FHIP1A: variants seen among roughly 807,000 people sequenced by gnomAD.
FHIP1A encodes the protein FHF complex subunit HOOK-interacting protein 1A.
FHIP1A carries 61 observed loss-of-function variants against 88.6 expected under a neutral mutation model. That is an observed-to-expected ratio of 0.69 (90% CI 0.56 to 0.85). The LOEUF (loss-of-function observed/expected upper bound fraction) is 0.85. Ranked by LOEUF, FHIP1A falls within the 40% of genes least tolerant of loss-of-function variation. The pLI, the probability that FHIP1A is intolerant of heterozygous loss-of-function variation, is 0.00. For missense variants in FHIP1A, 1,154 were observed against 1,273.5 expected, an observed-to-expected ratio of 0.91 and a Z score of 1.43; for synonymous variants, 478 against 496.0, an observed-to-expected ratio of 0.96 and a Z score of 0.48.
At chr4:151,531,382 C>T (rs1036735804) in intron 3 of FHIP1A, among the ~76,000 whole-genome samples, 1 of 152,060 alleles carries the variant, frequency 6.6e-6, no homozygotes, top group African/African-American at 2.4e-5. Context: ...CTCCTCTCCC[C>T]TGCCCAGTTT....
intron 5 of FHIP1A, among the ~76,000 whole-genome samples, chr4:151,578,432 A>G (rs1018303118): frequency 1.4e-4 from 22 of 152,306 alleles, no homozygotes; most frequent in Admixed American, 6.5e-4. Context: ...TGCTCCAAGG[A>G]ATCATGGCAT....
At chr4:151,550,308 C>A (rs371422089) in intron 3 of FHIP1A, among the ~76,000 whole-genome samples, 1 of 152,066 alleles carries the variant, frequency 6.6e-6, no homozygotes, top group African/African-American at 2.4e-5. Context: ...CCCTACTATG[C>A]GATCAAAGAG....
At chr4:151,498,470 A>G (rs1376901253) in intron 3 of FHIP1A, among the ~76,000 whole-genome samples, 1 of 152,142 alleles carries the variant, frequency 6.6e-6, no homozygotes, top group African/African-American at 2.4e-5. Context: ...CGGTTTGGAT[A>G]GGGGTAGCTG....
Position 151,610,999 on chromosome 4 carries a change from T to C in FHIP1A, c.979-18703T>C, listed in dbSNP as rs76875993. 3.0e-3 allele frequency among the ~76,000 whole-genome samples: 462 copies of C among 152,334 alleles called. 3 individuals are homozygous for C. The highest frequency in any genetic ancestry group is 0.011 in the African/African-American group (444 of 41,576). On this transcript the variant is annotated intron_variant, in intron 7 of 13. Coordinates refer to ENST00000435205, the MANE Select transcript of FHIP1A (RefSeq NM_001109977.3). ...AGAATTTATAGTACATTGCCAAGTA[T>C]GTAATAGGTATTATGACATCTCTTG... is the stretch of plus-strand genomic sequence containing the variant.
At chr4:151,595,650 G>T (rs991054221) in intron 7 of FHIP1A, among the ~76,000 whole-genome samples, 2 of 152,170 alleles carry the variant, frequency 1.3e-5, no homozygotes, top group Admixed American at 6.5e-5. Context: ...CTATTATTGT[G>T]TGGGAGTCTA....
chr4:151,448,398 C>T (rs1349676180), intron 1 of FHIP1A, among the ~76,000 whole-genome samples: 2 of 152,146 alleles, frequency 1.3e-5, no homozygotes, highest in Non-Finnish European at 2.9e-5. Context: ...ACCATTACCA[C>T]CATCCATCTC....
intron 1 of FHIP1A, among the ~76,000 whole-genome samples, chr4:151,431,681 A>G (rs1733599098): frequency 6.6e-6 from 1 of 152,240 alleles, no homozygotes; most frequent in Non-Finnish European, 1.5e-5. Context: ...ATGAAAAGTT[A>G]ATGAGAATTA....
intron 10 of FHIP1A, among the ~76,000 whole-genome samples, chr4:151,649,152 A>G (rs1023632645): frequency 2.6e-5 from 4 of 152,112 alleles, no homozygotes; most frequent in Non-Finnish European, 5.9e-5. Context: ...CCTCTCAACA[A>G]CCTGAGAGAT....
At chr4:151,609,153 G>T (rs1054418154) in intron 7 of FHIP1A, among the ~76,000 whole-genome samples, 2 of 152,120 alleles carry the variant, frequency 1.3e-5, no homozygotes, top group Admixed American at 6.5e-5. Context: ...TGCAATACTG[G>T]CCACTCAGTG....
chr4:151,528,119 AGCAGCT>A (rs1731747670), intron 3 of FHIP1A, among the ~76,000 whole-genome samples: 1 of 152,212 alleles, frequency 6.6e-6, no homozygotes, highest in South Asian at 2.1e-4. Context: ...TTGTCAATAC[AGCAGCT>A]GCTTGGTTCT....
At chr4:151,533,574 A>G (rs771835058) in intron 3 of FHIP1A, among the ~76,000 whole-genome samples, 1 of 152,200 alleles carries the variant, frequency 6.6e-6, no homozygotes, top group Non-Finnish European at 1.5e-5. Flanking sequence ...ATCTGTAATT[A>G]TTTATTGATC....
At chr4:151,482,830 T>G (rs985868562) in intron 3 of FHIP1A, among the ~76,000 whole-genome samples, 182 bp downstream of exon 3, 5 of 152,106 alleles carry the variant, frequency 3.3e-5, no homozygotes, top group African/African-American at 1.2e-4. Context: ...TAAAAAATCT[T>G]TTCTTAAGAA....
At chr4:151,629,143 T>C (rs1736059544) in intron 7 of FHIP1A, among the ~76,000 whole-genome samples, 1 of 152,224 alleles carries the variant, frequency 6.6e-6, no homozygotes, top group Non-Finnish European at 1.5e-5. Context: ...AAATTTGACA[T>C]GCAGCTCTCC....
intron 1 of FHIP1A, among the ~76,000 whole-genome samples, chr4:151,415,992 C>T (rs1391517265): frequency 6.6e-6 from 1 of 151,942 alleles, no homozygotes; most frequent in Admixed American, 6.6e-5. Context: ...TAGGACATGC[C>T]ATTAAGGAGT....
chr4:151,606,823 A>G (rs1735091873), intron 7 of FHIP1A, among the ~76,000 whole-genome samples: 1 of 152,144 alleles, frequency 6.6e-6, no homozygotes, highest in South Asian at 2.1e-4. Context: ...CTTAGATTGT[A>G]TTCTCCACTG....
At chr4:151,482,704 T>G (rs1729942599) in intron 3 of FHIP1A, 56 bp downstream of exon 3, 1 of 149,912 alleles carries the variant, frequency 6.7e-6, no homozygotes, top group Non-Finnish European at 1.5e-5. Flanking sequence ...CTCAATAATA[T>G]GTTATACTTT....
chr4:151,582,430 T>A (rs1355739176), intron 5 of FHIP1A, among the ~76,000 whole-genome samples: 22 of 152,126 alleles, frequency 1.4e-4, no homozygotes, highest in Non-Finnish European at 1.5e-5. Flanking sequence ...CTAATCTTGG[T>A]AGATGCATTA....
intron 8 of FHIP1A, among the ~76,000 whole-genome samples, chr4:151,636,641 T>C (rs772699628): frequency 2.5e-4 from 38 of 152,068 alleles, no homozygotes; most frequent in Middle Eastern, 3.4e-3. Context: ...GTGCAAAACT[T>C]GTGCTGCAAA....
intron 3 of FHIP1A, among the ~76,000 whole-genome samples, chr4:151,507,106 G>A (rs11947054): frequency 2.0e-5 from 3 of 151,756 alleles, no homozygotes; most frequent in Non-Finnish European, 4.4e-5. Context: ...TATTTATGCT[G>A]TGAAAGCCTT....
Sources: allele counts gnomAD v4.1 joint callset (sites outside exome capture counted in the v4.1 genomes callset), GRCh38; gene constraint gnomAD v4.1.1; transcripts MANE v1.5; gene names NCBI Gene and HGNC (gene_info 2026-07-23, HGNC 2026-07-21).